The following ARID1B variants were observed in gnomAD, a reference collection of about 807,000 sequenced individuals.
ARID1B encodes AT-rich interactive domain-containing protein 1B.
ARID1B carries 30 observed loss-of-function variants against 212.3 expected under a neutral mutation model. The observed-to-expected ratio is 0.14, with a 90% confidence interval of 0.11 to 0.19. The LOEUF (loss-of-function observed/expected upper bound fraction) is 0.19. Among genes scored for constraint, ARID1B ranks in the 10% least tolerant of loss-of-function variants. The pLI is 1.00. For synonymous variants in ARID1B, 1,402 were observed against 1,301.7 expected (o/e 1.08, Z -1.66); for missense variants, 2,891 against 3,204.0 (o/e 0.90, Z 2.36).
chr6:157,101,180 T>G (rs1000483631), intron 5 of ARID1B, among the ~76,000 whole-genome samples: 8 of 152,234 alleles, frequency 5.3e-5, no homozygotes, highest in Non-Finnish European at 8.8e-5. Flanking sequence ...TACAATGTGT[T>G]CTTTTAATTT....
intron 6 of ARID1B, among the ~76,000 whole-genome samples, chr6:157,120,750 T>A (rs1472851206): frequency 6.6e-6 from 1 of 152,152 alleles, no homozygotes; most frequent in Admixed American, 6.5e-5. Context: ...GATGCCAACA[T>A]GAAAATCAAT....
intron 13 of ARID1B, chr6:157,185,861 A>G (rs1792939069): frequency 6.6e-6 from 1 of 152,250 alleles, no homozygotes; most frequent in Non-Finnish European, 1.5e-5. Flanking sequence ...TGTAGGCTCT[A>G]AAAACAAGTA....
At chr6:156,856,721 C>G (rs1289766410) in intron 2 of ARID1B, among the ~76,000 whole-genome samples, 57 of 150,982 alleles carry the variant, frequency 3.8e-4, no homozygotes, top group Non-Finnish European at 4.9e-4. Context: ...CACACACACA[C>G]ACACACACAC....
At chr6:156,857,154 A>G (rs139576541) in intron 2 of ARID1B, among the ~76,000 whole-genome samples, 518 of 152,346 alleles carry the variant, frequency 3.4e-3, no homozygotes, top group African/African-American at 0.012. Flanking sequence ...CTCTTAAATG[A>G]CACCAAAAGT....
chr6:157,088,671 T>A (rs1365358255), intron 5 of ARID1B, among the ~76,000 whole-genome samples: 2 of 152,202 alleles, frequency 1.3e-5, no homozygotes, highest in African/African-American at 4.8e-5. Flanking sequence ...TGCTTTTTGT[T>A]TTATATTTAC....
At chr6:156,994,000 A>G (rs1370916174) in intron 4 of ARID1B, among the ~76,000 whole-genome samples, 1 of 152,248 alleles carries the variant, frequency 6.6e-6, no homozygotes, top group East Asian at 1.9e-4. Context: ...CCATTGTACC[A>G]TAACAGAAAG....
At chr6:156,814,916 A>G (rs1198863644) in intron 1 of ARID1B, among the ~76,000 whole-genome samples, 2 of 151,930 alleles carry the variant, frequency 1.3e-5, no homozygotes, top group African/African-American at 4.8e-5. Context: ...GTTAATTGTG[A>G]TGACAGGTTT....
intron 1 of ARID1B, among the ~76,000 whole-genome samples, chr6:156,786,461 T>C (rs1779637227): frequency 6.6e-6 from 1 of 152,238 alleles, no homozygotes; most frequent in African/African-American, 2.4e-5. Context: ...AGATCCTGCC[T>C]AGTCTCATGA....
chr6:156,847,281 T>C (rs1180027180), intron 2 of ARID1B, among the ~76,000 whole-genome samples: 1 of 152,232 alleles, frequency 6.6e-6, no homozygotes, highest in Non-Finnish European at 1.5e-5. Context: ...AATAAATGAA[T>C]TAAACAGCAC....
chr6:156,982,083 G>A (rs1777641136), intron 4 of ARID1B, among the ~76,000 whole-genome samples: 1 of 149,606 alleles, frequency 6.7e-6, no homozygotes, highest in South Asian at 2.1e-4. Flanking sequence ...CCGTTTCCTA[G>A]ATCACTTACC....
chr6:156,927,106 A>AT (rs1255690647), intron 3 of ARID1B, among the ~76,000 whole-genome samples: 1 of 152,232 alleles, frequency 6.6e-6, no homozygotes, highest in Non-Finnish European at 1.5e-5. Context: ...ATTATCCAGT[A>AT]TTCAAATTTC....
At chr6:157,204,607 A>G (rs1360401437) in intron 19 of ARID1B, 1 of 152,208 alleles carries the variant, frequency 6.6e-6, no homozygotes, top group East Asian at 1.9e-4. Context: ...TCTCCAGGTT[A>G]TTTTGAAGCA....
chr6:157,198,590 C>G, intron 16 of ARID1B: 1 of 533,614 alleles, frequency 1.9e-6, no homozygotes, highest in African/African-American at 1.9e-5. Flanking sequence ...AGCCAACAGC[C>G]CAAACTAGGA....
At chr6:156,801,678 T>C (rs1780800304) in intron 1 of ARID1B, among the ~76,000 whole-genome samples, 1 of 152,176 alleles carries the variant, frequency 6.6e-6, no homozygotes, top group Non-Finnish European at 1.5e-5. Context: ...GGGTGGGGTC[T>C]GTGTTTTTGC....
chr6:156,871,702 A>G (rs987549570), intron 2 of ARID1B: 4 of 1,593,362 alleles, frequency 2.5e-6, no homozygotes, highest in South Asian at 1.1e-5. Flanking sequence ...TTGGGACAGC[A>G]TATGACAGTG....
At chr6:157,184,850 C>G (rs1382953360) in intron 13 of ARID1B, 5 of 201,392 alleles carry the variant, frequency 2.5e-5, no homozygotes, top group Admixed American at 5.5e-5. Flanking sequence ...CTCGAGCTCC[C>G]CCGCCCTCTT....
chr6:156,855,171 G>A (rs1222088729), intron 2 of ARID1B, among the ~76,000 whole-genome samples: 1 of 152,172 alleles, frequency 6.6e-6, no homozygotes, highest in Admixed American at 6.5e-5. Context: ...GTCCACTTTT[G>A]GAAGAGCAAG....
At chr6:157,063,459 T>A (rs73581984) in intron 4 of ARID1B, among the ~76,000 whole-genome samples, 5,515 of 152,282 alleles carry the variant, frequency 0.036, 340 homozygotes, top group East Asian at 0.27. Flanking sequence ...ACCAAGATGC[T>A]TATCATTAGG....
chr6:156,877,408 G>T lies in ARID1B; in HGVS notation c.1987-23968G>T, dbSNP rs140868918. On this transcript the variant is annotated intron_variant, in intron 2 of 19. Coordinates refer to ENST00000636930, the MANE Select transcript of ARID1B (RefSeq NM_001374828.1). Reference sequence around the variant, plus strand: ...GCACTGTGCTGTACTGTTGCCTGTGGACCCGCACTCCTTCCCCTCTCCTGT... The same window carrying T: ...GCACTGTGCTGTACTGTTGCCTGTGTACCCGCACTCCTTCCCCTCTCCTGT... 5.2e-3 allele frequency among the ~76,000 whole-genome samples: 788 copies of T among 152,228 alleles called. 3 individuals carry two copies. The highest frequency in any genetic ancestry group is 8.1e-3 in the Non-Finnish European group (554 of 68,018).
Sources: allele counts gnomAD v4.1 joint callset (sites outside exome capture counted in the v4.1 genomes callset), GRCh38; gene constraint gnomAD v4.1.1; transcripts MANE v1.5; gene names NCBI Gene and HGNC (gene_info 2026-07-23, HGNC 2026-07-21).